Variants in ZNF462 observed in about 807,000 individuals in gnomAD.
ZNF462 encodes the protein zinc finger protein 462.
A neutral mutation model predicts 201.9 loss-of-function variants in ZNF462; 10 were observed. The observed-to-expected ratio is 0.05, with a 90% CI of 0.03 to 0.08. ZNF462 has a LOEUF of 0.08. Among genes scored for constraint, ZNF462 ranks in the 10% least tolerant of loss-of-function variants. The pLI is 1.00. For synonymous variants in ZNF462, 1,227 were observed against 1,193.3 expected (o/e 1.03, Z -0.58); for missense variants, 2,523 against 3,168.3 (o/e 0.80, Z 4.89).
rs1829993725 is a variant in ZNF462, at chr9:107,012,732, C to CTTTT, written c.*1704_*1705insTTTT. The CTTTT allele has an allele frequency of 4.6e-4, 10 of 21,808 alleles. No individual in the cohort carries two copies. Among genetic ancestry groups the CTTTT allele is most frequent in the Admixed American group, 1.2e-3 (2 of 1,712 alleles). 1.4% of individuals were successfully genotyped at this position (21,808 alleles called of 1,614,324 possible). On this transcript the variant is annotated 3_prime_UTR_variant, in exon 13 of 13. Coordinates refer to ENST00000277225, the MANE Select transcript of ZNF462 (RefSeq NM_021224.6). ...TCATGTTTTTTTTTTTTTTTTTTTACTTGGAAGGGTTGTGGGAGGGTGGGA... is the reference window on the plus strand; with the variant it reads ...TCATGTTTTTTTTTTTTTTTTTTTACTTTTTTGGAAGGGTTGTGGGAGGGTGGGA...
chr9:106,908,937 AT>A (rs1829413919), intron 1 of ZNF462, among the ~76,000 whole-genome samples: 1 of 30,462 alleles, frequency 3.3e-5, no homozygotes, highest in Non-Finnish European at 5.3e-5. Context: ...ATATATATAT[AT>A]ATATTTTTTT....
chr9:106,917,972 G>T lies in ZNF462; in HGVS notation c.-30-5382G>T, dbSNP rs1829844895. Among the ~76,000 whole-genome samples the T allele has an allele frequency of 6.6e-6, 1 of 151,718 alleles. No homozygotes were observed. Among genetic ancestry groups the T allele is most frequent in the South Asian group, 2.1e-4 (1 of 4,790 alleles). Reference sequence around the variant, plus strand: ...GCTCACTGCAACCTTCTTCTCCCGGGTTCAAGCAATTCTCTGCCTCAGCCT... The same window carrying T: ...GCTCACTGCAACCTTCTTCTCCCGGTTTCAAGCAATTCTCTGCCTCAGCCT... On this transcript the variant is annotated intron_variant, in intron 1 of 12. Transcript: ENST00000277225. This position sits in a 1 kb window ranked among gnomAD's most constrained non-coding sequence, Gnocchi z 4.5.
intron 10 of ZNF462, among the ~76,000 whole-genome samples, chr9:106,986,528 A>G (rs949783854): frequency 6.6e-6 from 1 of 152,184 alleles, no homozygotes; most frequent in African/African-American, 2.4e-5. Context: ...TAATAGATGT[A>G]CCTATCATAA....
Position 106,935,176 on chromosome 9 carries a change from C to T in ZNF462, c.6117-327C>T, listed in dbSNP as rs1819158372. 6.6e-6 allele frequency among the ~76,000 whole-genome samples: 1 copy of T among 152,152 alleles called. No homozygotes were observed. Among genetic ancestry groups the T allele is most frequent in the Non-Finnish European group, 1.5e-5 (1 of 68,032 alleles). On this transcript the variant is annotated intron_variant, in intron 5 of 12. Transcript: ENST00000277225. The surrounding 1 kb of genome is among the most constrained non-coding windows in gnomAD (Gnocchi z 4.1). The stretch of plus-strand genomic sequence containing the variant: ...GCTTGGCAGGAAGCTTGAATTCACC[C>T]ATATTGTACCTTCTCTTTAGATACA...
At chr9:106,936,466 T>G (rs1393672724) in intron 6 of ZNF462, among the ~76,000 whole-genome samples, 1 of 152,172 alleles carries the variant, frequency 6.6e-6, no homozygotes. Context: ...TGTCTCTTCA[T>G]TGTCTTCTGA....
rs34821814 is a variant in ZNF462 at position 106,886,731 on chromosome 9, A to T, written c.-31+23376A>T. Among the ~76,000 whole-genome samples the T allele has an allele frequency of 2.0e-4, 30 of 152,194 alleles. No homozygotes were observed. The highest frequency in any genetic ancestry group is 4.0e-4 in the Non-Finnish European group (27 of 68,032). ...TAGTTAAGGAAGCCTGAAATGGAAT[A>T]TCAGTTTTCTGCCCTGGTGATCCAT... On this transcript the variant is annotated intron_variant, in intron 1 of 12. Transcript: ENST00000277225. The surrounding 1 kb of genome is among the most constrained non-coding windows in gnomAD (Gnocchi z 4.6).
rs1829122641 is a variant in ZNF462, at chr9:106,902,902, T to G, written c.-30-20452T>G. Among the ~76,000 whole-genome samples, 1 of 152,188 alleles carries G rather than the reference T, an allele frequency of 6.6e-6. No individual in the cohort carries two copies. The highest frequency in any genetic ancestry group is 2.4e-5 in the African/African-American group (1 of 41,452). On this transcript the variant is annotated intron_variant, in intron 1 of 12. Transcript: ENST00000277225. This position sits in a 1 kb window ranked among gnomAD's most constrained non-coding sequence, Gnocchi z 4.2. The stretch of plus-strand genomic sequence containing the variant: ...TTTGTTTCATTTATCTTTTGTGTTT[T>G]TTTTGTTTGTTTGTTTGAATTTCAT...
rs577152083 is a variant in ZNF462, at chr9:106,962,765, G to A, written c.6428-9240G>A. On this transcript the variant is annotated intron_variant, in intron 7 of 12. Coordinates refer to ENST00000277225, the MANE Select transcript of ZNF462 (RefSeq NM_021224.6). This position sits in a 1 kb window ranked among gnomAD's most constrained non-coding sequence, Gnocchi z 4.6. Reference sequence around the variant, plus strand: ...GGCCTCAACCTTATTTTCAGGATTAGGCGTTTGTTTTTCCGTTTGCCTCCA... The same window carrying A: ...GGCCTCAACCTTATTTTCAGGATTAAGCGTTTGTTTTTCCGTTTGCCTCCA... Among the ~76,000 whole-genome samples the A allele has an allele frequency of 3.3e-5, 5 of 152,078 alleles. No homozygotes were observed. Among genetic ancestry groups the A allele is most frequent in the Admixed American group, 3.3e-4 (5 of 15,258 alleles).
intron 1 of ZNF462, 62 bp downstream of exon 1, chr9:106,863,417 G>T (rs142493356): frequency 4.8e-4 from 188 of 391,058 alleles, no homozygotes; most frequent in African/African-American, 3.6e-3. Flanking sequence ...AAGAGAGCGC[G>T]GGGTGGTGGA....
chr9:106,985,737 G>A (rs1827788148), intron 10 of ZNF462, among the ~76,000 whole-genome samples: 1 of 152,092 alleles, frequency 6.6e-6, no homozygotes, highest in African/African-American at 2.4e-5. Context: ...ACATTATAAA[G>A]AATTTAGTCT....
Position 106,974,427 on chromosome 9 carries a change from C to T in ZNF462, c.6832+154C>T, listed in dbSNP as rs1826845522. 1.0e-5 allele frequency: 12 copies of T among 1,192,448 alleles called. No homozygotes were observed. The highest frequency in any genetic ancestry group is 1.5e-5 in the Non-Finnish European group (12 of 807,332). 73.9% of individuals were successfully genotyped at this position (1,192,448 alleles called of 1,614,324 possible). On this transcript the variant is annotated intron_variant, in intron 9 of 12. Transcript: ENST00000277225. This position sits in a 1 kb window ranked among gnomAD's most constrained non-coding sequence, Gnocchi z 4.0. ...ACCACAGTGATAACCACAGTGACAG[C>T]CAAAAGGGCAAAAACACCTTCCTGC...
chr9:106,867,053 T>TA (rs1337507982), intron 1 of ZNF462, among the ~76,000 whole-genome samples: 2 of 152,174 alleles, frequency 1.3e-5, no homozygotes, highest in African/African-American at 2.4e-5. Flanking sequence ...GTTGGCGTCT[T>TA]AGAGTTGAAC....
At position 106,935,355 on chromosome 9, in the gene ZNF462, A is replaced by G. The variant is rs1026151784; in HGVS notation, c.6117-148A>G. ...AGGTACAACTCTTGAAAATTAATTA[A>G]TTAAATTGATAAATGCCATTATTGG... On this transcript the variant is annotated intron_variant, in intron 5 of 12. Coordinates refer to ENST00000277225, the MANE Select transcript of ZNF462 (RefSeq NM_021224.6). This position sits in a 1 kb window ranked among gnomAD's most constrained non-coding sequence, Gnocchi z 4.1. The G allele has an allele frequency of 2.6e-5, 16 of 622,928 alleles. No individual in the cohort carries two copies. The African/African-American group carries it at 2.8e-4, about 11-fold the overall frequency. The allele number at this position is 622,928 out of a possible 1,614,324, so 38.6% of individuals were successfully genotyped here.
chr9:107,007,245 T>C (rs1347247581), intron 11 of ZNF462, among the ~76,000 whole-genome samples: 3 of 152,116 alleles, frequency 2.0e-5, no homozygotes, highest in Non-Finnish European at 4.4e-5. Context: ...TGACTCCTTA[T>C]AAAAAAGAAA....
intron 7 of ZNF462, among the ~76,000 whole-genome samples, chr9:106,947,381 T>G (rs569190039): frequency 6.6e-6 from 1 of 152,210 alleles, no homozygotes; most frequent in Admixed American, 6.5e-5. Context: ...TGATGCACTG[T>G]GAGTCCTCCA....
In ZNF462 at chr9:106,930,712, G is replaced by A; in HGVS notation, c.6012+23G>A. 1 of 1,613,172 alleles carries A rather than the reference G, an allele frequency of 6.2e-7. No individual in the cohort carries two copies. Among genetic ancestry groups the A allele is most frequent in the Non-Finnish European group, 8.5e-7 (1 of 1,179,590 alleles). ...AAGGTGAGAACTGGAAGGTCTGGAT[G>A]AGCATTGTGTGTGAGCGATTCGAGT... On this transcript the variant is annotated intron_variant, in intron 4 of 12. Coordinates refer to ENST00000277225, the MANE Select transcript of ZNF462 (RefSeq NM_021224.6). This position sits in a 1 kb window ranked among gnomAD's most constrained non-coding sequence, Gnocchi z 5.8.
chr9:106,918,166 C>T (rs1019759362), intron 1 of ZNF462, among the ~76,000 whole-genome samples: 16 of 152,118 alleles, frequency 1.1e-4, no homozygotes, highest in East Asian at 3.9e-4. Flanking sequence ...TGAGCCACCA[C>T]GCCCTGCCTG....
rs1347808298 is a variant in ZNF462, at chr9:106,886,004, G to A, written c.-31+22649G>A. ...TTTGTTTTCCCCAGGAAAAGGTAAC[G>A]TATGCTCAAGGTAGCCTTAAAAAAA... On this transcript the variant is annotated intron_variant, in intron 1 of 12. Coordinates refer to ENST00000277225, the MANE Select transcript of ZNF462 (RefSeq NM_021224.6). This position sits in a 1 kb window ranked among gnomAD's most constrained non-coding sequence, Gnocchi z 4.6. 2.0e-5 allele frequency among the ~76,000 whole-genome samples: 3 copies of A among 152,100 alleles called. No individual in the cohort carries two copies. Among genetic ancestry groups the A allele is most frequent in the Non-Finnish European group, 2.9e-5 (2 of 68,012 alleles).
chr9:106,872,116 TAGTC>T lies in ZNF462; in HGVS notation c.-31+8764_-31+8767del, dbSNP rs1418253848. On this transcript the variant is annotated intron_variant, in intron 1 of 12. Transcript: ENST00000277225. This position sits in a 1 kb window ranked among gnomAD's most constrained non-coding sequence, Gnocchi z 4.5. ...ATCATCCCTCTGTGTTATGACTAAT[TAGTC>T]AGCAATTGAGCACCAATCATTCAAC... Among the ~76,000 whole-genome samples, 1 of 152,164 alleles carries T rather than the reference TAGTC, an allele frequency of 6.6e-6. No homozygotes were observed.
Sources: gnomAD v4.1 joint callset for allele counts (sites outside exome capture counted in the v4.1 genomes callset) on GRCh38, gnomAD v4.1.1 for gene constraint, Gnocchi (gnomAD v3.1) non-coding constraint, MANE v1.5 for transcripts, NCBI Gene and HGNC (gene_info 2026-07-23, HGNC 2026-07-21) for gene names.